The following MIPEP variants were observed in gnomAD, a reference collection of about 807,000 sequenced individuals.
The protein encoded by MIPEP is mitochondrial intermediate peptidase.
In MIPEP, 79 loss-of-function variants were observed where a neutral mutation model predicts 90.3. The ratio of observed to expected loss-of-function variants is 0.87; its 90% CI spans 0.73 to 1.05. The LOEUF (loss-of-function observed/expected upper bound fraction) is 1.05, where lower values mean the gene tolerates loss of function less well. Ranked by LOEUF, MIPEP falls within the 50% of genes least tolerant of loss-of-function variation. The probability of loss-of-function intolerance (pLI) is 0.00; values close to 1 mark genes in which losing one functional copy is unlikely to be tolerated. For missense variants in MIPEP, 940 were observed against 905.6 expected, an observed-to-expected ratio of 1.04 and a Z score of -0.49; for synonymous variants, 334 against 315.8, an observed-to-expected ratio of 1.06 and a Z score of -0.61.
At position 23,841,595 on chromosome 13, in the gene MIPEP, G is replaced by A. The variant is rs9580766; in HGVS notation, c.1107-107C>T. The A allele has an allele frequency of 0.14, 164,645 of 1,218,748 alleles. 15,456 individuals carry two copies. The highest frequency in any genetic ancestry group is 0.44 in the African/African-American group (28,553 of 65,090). 75.5% of individuals were successfully genotyped at this position (1,218,748 alleles called of 1,614,324 possible). On this transcript the variant is annotated intron_variant, in intron 10 of 18. Coordinates refer to ENST00000382172, the MANE Select transcript of MIPEP (RefSeq NM_005932.4). Reference sequence around the variant, plus strand: ...ACTTAAGATCACTGGAGCTAAAGAAGGATTCAAAACATAAAAGTGTATTTA... The same window carrying A: ...ACTTAAGATCACTGGAGCTAAAGAAAGATTCAAAACATAAAAGTGTATTTA...
chr13:23,753,872 G>A (rs929617003), intron 18 of MIPEP, among the ~76,000 whole-genome samples: 1 of 152,116 alleles, frequency 6.6e-6, no homozygotes, highest in African/African-American at 2.4e-5. Flanking sequence ...CTCTGAATTT[G>A]TATCATTCAA....
At chr13:23,751,455 T>G (rs1478852414) in intron 18 of MIPEP, among the ~76,000 whole-genome samples, 2 of 152,244 alleles carry the variant, frequency 1.3e-5, no homozygotes, top group African/African-American at 2.4e-5. Context: ...CTACTACTAT[T>G]TCTTTCCATC....
intron 14 of MIPEP, among the ~76,000 whole-genome samples, chr13:23,821,622 A>C (rs1953305755): frequency 6.6e-6 from 1 of 152,184 alleles, no homozygotes; most frequent in African/African-American, 2.4e-5. Context: ...GCTACCTGGA[A>C]CCAGAAAAGG....
At chr13:23,880,956 T>G (rs374866337) in intron 3 of MIPEP, among the ~76,000 whole-genome samples, 1 of 152,206 alleles carries the variant, frequency 6.6e-6, no homozygotes, top group Non-Finnish European at 1.5e-5. Flanking sequence ...GGGCTCTCCC[T>G]AGCTCTATAC....
chr13:23,885,581 A>G (rs1871440945), intron 2 of MIPEP, among the ~76,000 whole-genome samples: 1 of 152,008 alleles, frequency 6.6e-6, no homozygotes, highest in Non-Finnish European at 1.5e-5. Context: ...ATGTACCCAC[A>G]AAAATTAAAA....
chr13:23,796,860 C>A (rs1023213909), intron 16 of MIPEP, among the ~76,000 whole-genome samples: 13 of 152,126 alleles, frequency 8.5e-5, no homozygotes, highest in Non-Finnish European at 1.6e-4. Flanking sequence ...AGAAATCAAG[C>A]AATCTTAACA....
chr13:23,799,043 G>A (rs1011217628), intron 16 of MIPEP, among the ~76,000 whole-genome samples: 5 of 115,464 alleles, frequency 4.3e-5, no homozygotes, highest in East Asian at 2.6e-4. Flanking sequence ...TTGCTCTGTC[G>A]CCCAAGCTGG....
At chr13:23,756,392 T>C (rs1416213400) in intron 18 of MIPEP, 153 bp downstream of exon 18, 1 of 711,386 alleles carries the variant, frequency 1.4e-6, no homozygotes, top group Non-Finnish European at 2.4e-6. Flanking sequence ...TGACCTCAGG[T>C]GATCCACCCT....
chr13:23,734,628 A>G lies in MIPEP; in HGVS notation c.2045-4183T>C, dbSNP rs373707683. On this transcript the variant is annotated intron_variant, in intron 18 of 18. Coordinates refer to ENST00000382172, the MANE Select transcript of MIPEP (RefSeq NM_005932.4). The stretch of plus-strand genomic sequence containing the variant: ...AGGATCACCCAACTCACAGCAATCA[A>G]ACTCCAAATGGTGCTATAAACTGAA... 1.1e-4 allele frequency among the ~76,000 whole-genome samples: 17 copies of G among 152,214 alleles called. 1 individual carries two copies. The South Asian group carries it at 2.9e-3, about 26-fold the overall frequency.
intron 18 of MIPEP, among the ~76,000 whole-genome samples, chr13:23,743,175 T>C (rs1952349476): frequency 6.6e-6 from 1 of 152,258 alleles, no homozygotes. Context: ...TAATAATTCA[T>C]CATAATAGTT....
chr13:23,851,611 G>A (rs1869802655), intron 10 of MIPEP, among the ~76,000 whole-genome samples: 1 of 152,116 alleles, frequency 6.6e-6, no homozygotes, highest in Admixed American at 6.5e-5. Flanking sequence ...GCAGACTGCA[G>A]AGATCCTGTC....
intron 14 of MIPEP, among the ~76,000 whole-genome samples, chr13:23,812,634 A>T (rs1953188079): frequency 6.6e-6 from 1 of 152,080 alleles, no homozygotes; most frequent in Admixed American, 6.6e-5. Context: ...CACTGCCATT[A>T]GGCTTTCTTC....
intron 16 of MIPEP, among the ~76,000 whole-genome samples, chr13:23,769,068 T>C (rs889975270): frequency 1.3e-5 from 2 of 152,136 alleles, no homozygotes; most frequent in Non-Finnish European, 1.5e-5. Flanking sequence ...CAGTCAAAAC[T>C]CTTTAACATT....
intron 14 of MIPEP, among the ~76,000 whole-genome samples, chr13:23,814,433 T>G (rs532787041): frequency 6.6e-6 from 1 of 152,152 alleles, no homozygotes; most frequent in East Asian, 1.9e-4. Context: ...GGCTAATTTT[T>G]TGTATTTTTA....
rs1279285928 is a variant in MIPEP at position 23,860,728 on chromosome 13, A to C, written c.1053+1574T>G. ...GTGTTGACAACCAATTCTATGCCTA[A>C]CACTGGGCTAAATACATGGCTAAAC... On this transcript the variant is annotated intron_variant, in intron 9 of 18. Transcript: ENST00000382172. Among the ~76,000 whole-genome samples the C allele has an allele frequency of 5.3e-5, 8 of 152,230 alleles. 1 individual carries two copies. The South Asian group carries it at 8.3e-4, about 16-fold the overall frequency.
intron 10 of MIPEP, chr13:23,842,666 G>A (rs1869351649): frequency 6.6e-6 from 1 of 152,360 alleles, no homozygotes; most frequent in South Asian, 2.1e-4. Context: ...GCCTGGTGCA[G>A]TGGGCACACG....
At chr13:23,803,495 A>G (rs1174116891) in intron 16 of MIPEP, among the ~76,000 whole-genome samples, 5 of 152,228 alleles carry the variant, frequency 3.3e-5, no homozygotes, top group African/African-American at 1.2e-4. Context: ...GCAGTGTGAT[A>G]CAGGGCTGCA....
chr13:23,733,675 A>G (rs1374734747), intron 18 of MIPEP, among the ~76,000 whole-genome samples: 2 of 152,246 alleles, frequency 1.3e-5, no homozygotes, highest in African/African-American at 4.8e-5. Flanking sequence ...TACTTGGTCC[A>G]AACACATACT....
At chr13:23,886,529 G>A in intron 1 of MIPEP, 23 bp from the exon 2 acceptor site, 1 of 1,502,080 alleles carries the variant, frequency 6.7e-7, no homozygotes, top group Non-Finnish European at 8.9e-7. Context: ...GAATACGTCT[G>A]ATTTATAACC....
Sources: gnomAD v4.1 joint callset for allele counts (sites outside exome capture counted in the v4.1 genomes callset) on GRCh38, gnomAD v4.1.1 for gene constraint, MANE v1.5 for transcripts, NCBI Gene and HGNC (gene_info 2026-07-23, HGNC 2026-07-21) for gene names.